Variants in EIF2B3 observed in about 807,000 individuals in gnomAD.
EIF2B3 encodes translation initiation factor eIF2B subunit gamma.
A neutral mutation model predicts 54.1 loss-of-function variants in EIF2B3; 20 were observed. The ratio of observed to expected loss-of-function variants is 0.37; its 90% CI spans 0.26 to 0.54. EIF2B3 has a LOEUF of 0.54. EIF2B3 is among the 20% of genes least tolerant of loss of function. The probability of loss-of-function intolerance (pLI) is 0.86; values close to 1 mark genes in which losing one functional copy is unlikely to be tolerated. For missense variants in EIF2B3, 448 were observed against 547.8 expected, an observed-to-expected ratio of 0.82 and a Z score of 1.82; for synonymous variants, 153 against 188.1, an observed-to-expected ratio of 0.81 and a Z score of 1.52.
In EIF2B3 at chr1:44,981,497, T is replaced by A. The variant is rs142394413; in HGVS notation, c.-9-320A>T. 8.5e-5 allele frequency among the ~76,000 whole-genome samples: 13 copies of A among 152,256 alleles called. No individual in the cohort carries two copies. In the East Asian group the frequency reaches 2.3e-3, roughly 27 times the overall value. On this transcript the variant is annotated intron_variant, in intron 1 of 11. Coordinates refer to ENST00000360403, the MANE Select transcript of EIF2B3 (RefSeq NM_020365.5). ...TCATTAGTGCCACAGCAGAAAAATATCCAAGATACAGTGGGCATACAATAA... is the reference window on the plus strand; with the variant it reads ...TCATTAGTGCCACAGCAGAAAAATAACCAAGATACAGTGGGCATACAATAA...
rs111446894 is a variant in EIF2B3, at chr1:44,852,239, C to T, written c.1307-1236G>A. On this transcript the variant is annotated intron_variant, in intron 11 of 11. Transcript: ENST00000360403. Reference sequence around the variant, plus strand: ...CTTGGCCTCCCAAAGTGCTGGATTACAGGCGTGAGCCACCGCACTTGGCCC... The same window carrying T: ...CTTGGCCTCCCAAAGTGCTGGATTATAGGCGTGAGCCACCGCACTTGGCCC... Among the ~76,000 whole-genome samples, 387 of 151,098 alleles carry T rather than the reference C, an allele frequency of 2.6e-3. 2 individuals carry two copies. Among genetic ancestry groups the T allele is most frequent in the African/African-American group, 8.9e-3 (367 of 41,174 alleles).
chr1:44,869,475 C>T (rs147850648), intron 10 of EIF2B3, among the ~76,000 whole-genome samples: 1,695 of 142,108 alleles, frequency 0.012, 17 homozygotes, highest in African/African-American at 0.026. Context: ...GAGACTATCT[C>T]GGAAAAAAAA....
chr1:44,981,270 G>A, intron 1 of EIF2B3, 93 bp from the exon 2 acceptor site: 2 of 1,302,326 alleles, frequency 1.5e-6, no homozygotes, highest in Non-Finnish European at 1.1e-6. Flanking sequence ...TTAGGTTACT[G>A]ATACCCACTA....
chr1:44,876,031 C>T lies in EIF2B3; in HGVS notation c.976-336G>A, dbSNP rs570594487. On this transcript the variant is annotated intron_variant, in intron 8 of 11. Coordinates refer to ENST00000360403, the MANE Select transcript of EIF2B3 (RefSeq NM_020365.5). Reference sequence around the variant, plus strand: ...CAGCTCCTAACCGCGAGTGATCCGCCAGCCTCGGCCTCCCGAGGTGCCGGG... The same window carrying T: ...CAGCTCCTAACCGCGAGTGATCCGCTAGCCTCGGCCTCCCGAGGTGCCGGG... 6.7e-3 allele frequency among the ~76,000 whole-genome samples: 1,017 copies of T among 152,366 alleles called. 13 individuals carry two copies. The highest frequency in any genetic ancestry group is 0.023 in the African/African-American group (966 of 41,588).
chr1:44,863,282 T>G (rs1341474726), intron 10 of EIF2B3: 1 of 152,212 alleles, frequency 6.6e-6, no homozygotes, highest in South Asian at 2.1e-4. Flanking sequence ...TCACCCATAA[T>G]CTCTCTAGGT....
chr1:44,939,486 A>G (rs1643997025), intron 4 of EIF2B3, among the ~76,000 whole-genome samples: 1 of 152,238 alleles, frequency 6.6e-6, no homozygotes, highest in Admixed American at 6.5e-5. Context: ...AGAGTATTGT[A>G]CATTTCAAAA....
At chr1:44,905,269 C>T (rs1175998999) in intron 5 of EIF2B3, among the ~76,000 whole-genome samples, 1 of 152,156 alleles carries the variant, frequency 6.6e-6, no homozygotes, top group African/African-American at 2.4e-5. Context: ...GGTGAAAACC[C>T]TGGACTCAAA....
chr1:44,854,982 G>C (rs985603792), intron 11 of EIF2B3, among the ~76,000 whole-genome samples: 14 of 152,024 alleles, frequency 9.2e-5, no homozygotes, highest in African/African-American at 3.4e-4. Flanking sequence ...TGAGCTCTTT[G>C]CTGGTAAGGA....
In EIF2B3 at chr1:44,942,377, T is replaced by TTATA. The variant is rs1170326455; in HGVS notation, c.295-716_295-713dup. Among the ~76,000 whole-genome samples, 186 of 21,576 alleles carry TTATA rather than the reference T, an allele frequency of 8.6e-3. 2 individuals are homozygous for TTATA. The highest frequency in any genetic ancestry group is 0.01 in the Non-Finnish European group (146 of 13,982). The allele number at this position is 21,576 out of a possible 152,430, so 14.2% of individuals were successfully genotyped here. ...TCTCTTATTGGTGGGCTTTCTGATT[T>TTATA]TATATATATATATATATATATATAT... On this transcript the variant is annotated intron_variant, in intron 3 of 11. Coordinates refer to ENST00000360403, the MANE Select transcript of EIF2B3 (RefSeq NM_020365.5).
chr1:44,949,383 G>A (rs1192392408), intron 3 of EIF2B3, among the ~76,000 whole-genome samples: 2 of 152,106 alleles, frequency 1.3e-5, no homozygotes, highest in African/African-American at 2.4e-5. Flanking sequence ...TTTCCATCTA[G>A]ACTTTGAGCT....
At chr1:44,979,772 T>C (rs1364337276) in intron 2 of EIF2B3, among the ~76,000 whole-genome samples, 1 of 152,074 alleles carries the variant, frequency 6.6e-6, no homozygotes, top group Non-Finnish European at 1.5e-5. Context: ...AAGACCAGCC[T>C]GGACAACATG....
intron 3 of EIF2B3, among the ~76,000 whole-genome samples, chr1:44,956,489 A>T (rs1644227539): frequency 1.1e-5 from 1 of 87,170 alleles, no homozygotes; most frequent in Non-Finnish European, 2.2e-5. Flanking sequence ...CTTAAAGTAT[A>T]AAAAAAAATC....
chr1:44,927,101 T>C (rs3889352), intron 4 of EIF2B3, among the ~76,000 whole-genome samples: 3 of 151,062 alleles, frequency 2.0e-5, no homozygotes, highest in Admixed American at 2.0e-4. Flanking sequence ...GCCACTGTAG[T>C]GCACTCCAGC....
intron 5 of EIF2B3, among the ~76,000 whole-genome samples, chr1:44,898,844 C>G (rs1446113869): frequency 6.6e-6 from 1 of 152,144 alleles, no homozygotes; most frequent in Non-Finnish European, 1.5e-5. Flanking sequence ...GCATGCATCA[C>G]TACAGCTGGC....
chr1:44,861,087 T>C (rs1201027010), intron 10 of EIF2B3, among the ~76,000 whole-genome samples: 1 of 152,158 alleles, frequency 6.6e-6, no homozygotes. Flanking sequence ...TGGTGTAGGC[T>C]AGAGATGGGC....
At chr1:44,943,401 T>C (rs1644060939) in intron 3 of EIF2B3, among the ~76,000 whole-genome samples, 2 of 151,312 alleles carry the variant, frequency 1.3e-5, no homozygotes. Flanking sequence ...TATATCTATA[T>C]CTATATCTAT....
intron 5 of EIF2B3, among the ~76,000 whole-genome samples, chr1:44,922,896 A>G (rs1044058813): frequency 5.4e-5 from 6 of 110,116 alleles, no homozygotes; most frequent in Admixed American, 2.9e-4. Flanking sequence ...CCCAGGCTGG[A>G]GTGCAGCGGC....
chr1:44,942,920 A>C (rs1050588788), intron 3 of EIF2B3, among the ~76,000 whole-genome samples: 7 of 151,818 alleles, frequency 4.6e-5, no homozygotes, highest in Non-Finnish European at 1.0e-4. Flanking sequence ...CACTGGCAAG[A>C]TCTCGGCTCA....
intron 3 of EIF2B3, among the ~76,000 whole-genome samples, chr1:44,955,520 C>T (rs144971331): frequency 0.22 from 33,555 of 151,974 alleles, 4,026 homozygotes; most frequent in Admixed American, 0.32. Flanking sequence ...CAAATGGAAT[C>T]TAATTAAACT....
Sources: gnomAD v4.1 joint callset for allele counts (sites outside exome capture counted in the v4.1 genomes callset) on GRCh38, gnomAD v4.1.1 for gene constraint, MANE v1.5 for transcripts, NCBI Gene and HGNC (gene_info 2026-07-23, HGNC 2026-07-21) for gene names.